Variants in SLC25A35 observed in about 807,000 individuals in gnomAD.
SLC25A35 encodes the protein solute carrier family 25 member 35.
A neutral mutation model predicts 30.5 loss-of-function variants in SLC25A35; 32 were observed. The ratio of observed to expected loss-of-function variants is 1.05; its 90% CI spans 0.79 to 1.41. The LOEUF (loss-of-function observed/expected upper bound fraction) is 1.41, where lower values mean the gene tolerates loss of function less well. SLC25A35 is among the 40% of genes most tolerant of loss of function. SLC25A35 has a pLI of 0.00. For synonymous variants in SLC25A35, 142 were observed against 158.1 expected (o/e 0.90, Z 0.77); for missense variants, 369 against 388.0 (o/e 0.95, Z 0.41).
chr17:8,289,952 G>T (rs138188491), downstream of SLC25A35: 30 of 1,614,090 alleles, frequency 1.9e-5, no homozygotes, highest in African/African-American at 3.9e-4. Flanking sequence ...CTGAAGCACT[G>T]CATGATGTTG....
chr17:8,292,618 C>T (rs1466939626), intron 1 of SLC25A35, 30 bp from the exon 2 acceptor site: 1 of 1,608,458 alleles, frequency 6.2e-7, no homozygotes, highest in South Asian at 1.1e-5. Flanking sequence ...ATAGCCTGTG[C>T]CCCAGTGGCC....
At chr17:8,289,850 T>C, downstream of SLC25A35, 1 of 1,614,106 alleles carries the variant, frequency 6.2e-7, no homozygotes, top group Non-Finnish European at 8.5e-7. Flanking sequence ...CGAAAATCTG[T>C]CACCTGCACC....
At chr17:8,288,938 T>G (rs757878003), downstream of SLC25A35, 4 of 1,614,050 alleles carry the variant, frequency 2.5e-6, no homozygotes, top group Non-Finnish European at 3.4e-6. Context: ...AACCAGGGTC[T>G]GCCTCGCCTC....
In SLC25A35 at chr17:8,294,881, G is replaced by A. The variant is rs753250670; in HGVS notation, c.-74C>T. 2 of 1,511,754 alleles carry A rather than the reference G, an allele frequency of 1.3e-6. No individual in the cohort carries two copies. The highest frequency in any genetic ancestry group is 1.4e-5 in the African/African-American group (1 of 71,866). 93.6% of individuals were successfully genotyped at this position (1,511,754 alleles called of 1,614,324 possible). A position where few individuals can be genotyped will look rare whatever the true frequency, so the allele number is the denominator to read the frequency against. ...TGGGTGTCAGAAAGCGGGGTTGGAA[G>A]ACAGGGGGAAGGCCTGTTTCAGCAG... On this transcript the variant is annotated 5_prime_UTR_variant, in exon 1 of 5. Coordinates refer to ENST00000577745, the MANE Select transcript of SLC25A35 (RefSeq NM_001320870.2).
chr17:8,291,000 G>T, intron 3 of SLC25A35, 24 bp from the exon 4 acceptor site: 1 of 1,612,900 alleles, frequency 6.2e-7, no homozygotes, highest in South Asian at 1.1e-5. Context: ...GAGGAAGAGC[G>T]TTGTCAACCA....
intron 1 of SLC25A35, among the ~76,000 whole-genome samples, chr17:8,293,643 C>G (rs1319140002): frequency 2.0e-5 from 3 of 150,724 alleles, no homozygotes; most frequent in Non-Finnish European, 4.4e-5. Flanking sequence ...GCTCCGCCTC[C>G]TGGGTTTAGG....
In SLC25A35 at chr17:8,294,925, A is replaced by G. The variant is rs1990764528; in HGVS notation, c.-118T>C. ...TCAGCAGTACAGGTTGCAGAAGATAAGAATTTAGATTTGCAGTCAAGGGTG... is the reference window on the plus strand; with the variant it reads ...TCAGCAGTACAGGTTGCAGAAGATAGGAATTTAGATTTGCAGTCAAGGGTG... On this transcript the variant is annotated 5_prime_UTR_variant, in exon 1 of 5. Coordinates refer to ENST00000577745, the MANE Select transcript of SLC25A35 (RefSeq NM_001320870.2). 6.8e-7 allele frequency: 1 copy of G among 1,473,734 alleles called. No homozygotes were observed. Among genetic ancestry groups the G allele is most frequent in the Non-Finnish European group, 8.9e-7 (1 of 1,118,234 alleles). The allele number at this position is 1,473,734 out of a possible 1,614,324, so 91.3% of individuals were successfully genotyped here.
Position 8,290,289 on chromosome 17 carries a change from C to T in SLC25A35, c.*216G>A. Reference sequence around the variant, plus strand: ...AGCCCTGAGAGAGGGGTGTGAGTTACCCAGGGAATGGGTAGGGAAGGTTTA... The same window carrying T: ...AGCCCTGAGAGAGGGGTGTGAGTTATCCAGGGAATGGGTAGGGAAGGTTTA... On this transcript the variant is annotated 3_prime_UTR_variant, in exon 5 of 5. Transcript: ENST00000577745. 2 of 1,426,496 alleles carry T rather than the reference C, an allele frequency of 1.4e-6. No homozygotes were observed. Among genetic ancestry groups the T allele is most frequent in the South Asian group, 3.1e-5 (2 of 64,996 alleles). The allele number at this position is 1,426,496 out of a possible 1,614,324, so 88.4% of individuals were successfully genotyped here. A position where few individuals can be genotyped will look rare whatever the true frequency, so the allele number is the denominator to read the frequency against.
chr17:8,289,063 C>G (rs1270315228), downstream of SLC25A35: 1 of 1,613,560 alleles, frequency 6.2e-7, no homozygotes, highest in African/African-American at 1.3e-5. Context: ...CGGGGCGAAG[C>G]GGCTGCGCGG....
chr17:8,290,268 C>G lies in SLC25A35; in HGVS notation c.*237G>C. On this transcript the variant is annotated 3_prime_UTR_variant, in exon 5 of 5. Coordinates refer to ENST00000577745, the MANE Select transcript of SLC25A35 (RefSeq NM_001320870.2). ...ACACTTTGGGATGACTCGTTCAGCC[C>G]TGAGAGAGGGGTGTGAGTTACCCAG... 7.0e-7 allele frequency: 1 copy of G among 1,426,146 alleles called. No homozygotes were observed. The highest frequency in any genetic ancestry group is 1.5e-5 in the South Asian group (1 of 64,948). 88.3% of individuals were successfully genotyped at this position (1,426,146 alleles called of 1,614,324 possible).
downstream of SLC25A35, chr17:8,289,731 G>A: frequency 2.5e-6 from 4 of 1,613,946 alleles, no homozygotes; most frequent in South Asian, 4.4e-5. Context: ...TGATACCCAG[G>A]TCCTCTGGGG....
downstream of SLC25A35, chr17:8,289,373 G>A (rs757520153): frequency 9.3e-6 from 15 of 1,614,148 alleles, no homozygotes; most frequent in East Asian, 2.7e-4. Context: ...AGAAGCCTGG[G>A]TCCTCTCTGG....
rs1990764642 is a variant in SLC25A35 at position 8,294,926 on chromosome 17, G to C, written c.-119C>G. On this transcript the variant is annotated 5_prime_UTR_variant, in exon 1 of 5. Transcript: ENST00000577745. ...CAGCAGTACAGGTTGCAGAAGATAA[G>C]AATTTAGATTTGCAGTCAAGGGTGT... 6.8e-7 allele frequency: 1 copy of C among 1,471,644 alleles called. No individual in the cohort carries two copies. The highest frequency in any genetic ancestry group is 9.0e-7 in the Non-Finnish European group (1 of 1,117,264). 91.2% of individuals were successfully genotyped at this position (1,471,644 alleles called of 1,614,324 possible).
In SLC25A35 at chr17:8,294,576, C is replaced by A. The variant is rs903446877; in HGVS notation, c.232G>T (p.Gly78Cys). ...PALLYQFLMN[G>C]IRLGTYGLAE... ...AGCCCATAGGTGCCCAGTCGGATGC[C>A]ATTCATCAGGAACTGGTACAAGAGG... Residue 78 changes from glycine to cysteine, a missense_variant, in exon 1 of 5, where the codon GGC (glycine) becomes TGC (cysteine). By Grantham distance (159) the Gly-to-Cys change is radical. Transcript: ENST00000577745. 2.7e-5 allele frequency: 44 copies of A among 1,614,054 alleles called. No individual in the cohort carries two copies. The highest frequency in any genetic ancestry group is 3.1e-5 in the Non-Finnish European group (37 of 1,180,040).
At chr17:8,288,398 G>A, downstream of SLC25A35, 1 of 306,472 alleles carries the variant, frequency 3.3e-6, no homozygotes, top group South Asian at 3.1e-5. Flanking sequence ...CGGTGATCGC[G>A]CCACTGCATT....
chr17:8,288,818 CG>C (rs760106238), downstream of SLC25A35: 1 of 1,614,064 alleles, frequency 6.2e-7, no homozygotes, highest in African/African-American at 1.3e-5. Context: ...GCCCGCTGTT[CG>C]GGGGCGCCTT....
In SLC25A35 at chr17:8,295,309, C is replaced by G; in HGVS notation, c.-502G>C. The stretch of plus-strand genomic sequence containing the variant: ...AGTCAGGACTCTGGCCAGGAATGAG[C>G]GTCCCTGAGCGTCCCCAGGCAGCCA... On this transcript the variant is annotated 5_prime_UTR_variant, in exon 1 of 5. Transcript: ENST00000577745. 1.0e-6 allele frequency: 1 copy of G among 986,086 alleles called. No individual in the cohort carries two copies. 61.1% of individuals were successfully genotyped at this position (986,086 alleles called of 1,614,324 possible).
At chr17:8,289,171 C>A, downstream of SLC25A35, 2 of 1,600,934 alleles carry the variant, frequency 1.2e-6, no homozygotes, top group Admixed American at 1.7e-5. Flanking sequence ...AGACCACGCA[C>A]GGGCCGGGAG....
chr17:8,289,111 G>T (rs780082409), downstream of SLC25A35: 1 of 1,607,078 alleles, frequency 6.2e-7, no homozygotes, highest in African/African-American at 1.3e-5. Context: ...GGCAGGGGCG[G>T]GGTCGGACCA....
Sources: gnomAD v4.1 joint callset for allele counts (sites outside exome capture counted in the v4.1 genomes callset) on GRCh38, gnomAD v4.1.1 for gene constraint, MANE v1.5 for transcripts, NCBI Gene and HGNC (gene_info 2026-07-23, HGNC 2026-07-21) for gene names.